The following EML4 variants were observed in gnomAD, a reference collection of about 807,000 sequenced individuals.
EML4 encodes the protein echinoderm microtubule-associated protein-like 4.
Under a neutral mutation model 129.0 loss-of-function variants are expected in EML4, and 72 were observed. That is an observed-to-expected ratio of 0.56 (90% confidence interval 0.46 to 0.68). The LOEUF is 0.68. Among genes scored for constraint, EML4 ranks in the 30% least tolerant of loss-of-function variants. The probability of loss-of-function intolerance (pLI) is 0.00; values close to 1 mark genes in which losing one functional copy is unlikely to be tolerated. For missense variants in EML4, 1,363 were observed against 1,190.6 expected, an observed-to-expected ratio of 1.14 and a Z score of -2.13; for synonymous variants, 532 against 405.0, an observed-to-expected ratio of 1.31 and a Z score of -3.77.
At chr2:42,178,192 T>C (rs1021541228) in intron 1 of EML4, among the ~76,000 whole-genome samples, 1 of 152,178 alleles carries the variant, frequency 6.6e-6, no homozygotes, top group Non-Finnish European at 1.5e-5. Flanking sequence ...GAAGTGATTT[T>C]ATAAAATTGG....
Position 42,284,635 on chromosome 2 carries a change from C to G in EML4, c.943C>G (p.Leu315Val). Residue 315 changes from leucine (L) to valine (V), a missense_variant and splice_region_variant, in exon 9 of 23, where the codon CTT (leucine) becomes GTT (valine). Leu to Val is a conservative substitution (Grantham distance 32). Coordinates refer to ENST00000318522, the MANE Select transcript of EML4 (RefSeq NM_019063.5). ...YLGHTDCVKC[L>V]AIHPDKIRIA... ...ATCATTCTTAATACTGCTTTTTAGC[C>G]TTGCTATACATCCTGACAAAATTAG... The G allele has an allele frequency of 6.2e-7, 1 of 1,609,156 alleles. No homozygotes were observed. The highest frequency in any genetic ancestry group is 8.5e-7 in the Non-Finnish European group (1 of 1,177,342).
intron 13 of EML4, among the ~76,000 whole-genome samples, chr2:42,296,926 G>T (rs1572710760): frequency 6.6e-6 from 1 of 152,158 alleles, no homozygotes; most frequent in South Asian, 2.1e-4. Context: ...ACATAAGTTA[G>T]GCACTATCTG....
At chr2:42,205,378 T>G (rs963124252) in intron 1 of EML4, among the ~76,000 whole-genome samples, 1 of 152,214 alleles carries the variant, frequency 6.6e-6, no homozygotes, top group African/African-American at 2.4e-5. Context: ...TCAGCAAAAG[T>G]TGACATTTTT....
intron 11 of EML4, 144 bp downstream of exon 11, chr2:42,288,466 G>A: frequency 2.2e-6 from 1 of 456,962 alleles, no homozygotes. Context: ...TTAGTGATTT[G>A]TCATAATCGT....
chr2:42,258,266 A>C (rs116232501), intron 3 of EML4, among the ~76,000 whole-genome samples: 3 of 152,160 alleles, frequency 2.0e-5, no homozygotes, highest in Non-Finnish European at 4.4e-5. Flanking sequence ...AATCGCAAGG[A>C]AGAAGTAACT....
At chr2:42,295,703 G>C (rs758150014) in intron 13 of EML4, among the ~76,000 whole-genome samples, 187 bp downstream of exon 13, 7 of 152,000 alleles carry the variant, frequency 4.6e-5, no homozygotes, top group Non-Finnish European at 5.9e-5. Flanking sequence ...TATTTATTAA[G>C]CTTATATAAC....
intron 2 of EML4, among the ~76,000 whole-genome samples, chr2:42,250,941 A>G (rs946534218): frequency 1.3e-5 from 2 of 152,164 alleles, no homozygotes; most frequent in African/African-American, 4.8e-5. Context: ...TTAGATTCTC[A>G]TAGGAGCATG....
intron 1 of EML4, among the ~76,000 whole-genome samples, chr2:42,233,301 GTTTC>G (rs1428038938): frequency 6.6e-6 from 1 of 150,558 alleles, no homozygotes; most frequent in Non-Finnish European, 1.5e-5. Context: ...GTTATTACAG[GTTTC>G]TTTCTTTTTT....
chr2:42,254,128 A>C (rs1558543477), intron 2 of EML4, among the ~76,000 whole-genome samples: 1 of 152,190 alleles, frequency 6.6e-6, no homozygotes, highest in Non-Finnish European at 1.5e-5. Flanking sequence ...TTGTTATGCC[A>C]TTTGAGGCAT....
At chr2:42,297,839 T>C (rs1459476793) in intron 13 of EML4, among the ~76,000 whole-genome samples, 1 of 152,236 alleles carries the variant, frequency 6.6e-6, no homozygotes, top group Non-Finnish European at 1.5e-5. Flanking sequence ...CTTTTACTTT[T>C]GTAATAGGAG....
intron 16 of EML4, 113 bp downstream of exon 16, chr2:42,303,559 A>T: frequency 2.6e-5 from 30 of 1,132,556 alleles, no homozygotes; most frequent in Non-Finnish European, 3.9e-5. Context: ...ATGTAAACAT[A>T]TGGTTTAGTA....
At chr2:42,231,929 A>G (rs1317040164) in intron 1 of EML4, among the ~76,000 whole-genome samples, 1 of 152,024 alleles carries the variant, frequency 6.6e-6, no homozygotes, top group African/African-American at 2.4e-5. Context: ...AGCCTGGGCA[A>G]CAGAGTGAGA....
chr2:42,303,470 T>A, intron 16 of EML4, 24 bp downstream of exon 16: 1 of 1,607,862 alleles, frequency 6.2e-7, no homozygotes. Context: ...GATGTGATTA[T>A]TAACCTCCCC....
intron 6 of EML4, among the ~76,000 whole-genome samples, chr2:42,271,392 G>A (rs1666356407): frequency 1.3e-5 from 2 of 150,612 alleles, no homozygotes; most frequent in Admixed American, 1.3e-4. Context: ...CCAAAAAAGG[G>A]GACCTTTCCT....
At chr2:42,223,614 A>G (rs115988792) in intron 1 of EML4, among the ~76,000 whole-genome samples, 3 of 152,050 alleles carry the variant, frequency 2.0e-5, no homozygotes, top group Non-Finnish European at 4.4e-5. Context: ...GTCTTTCCCC[A>G]TGACAAGAGT....
At chr2:42,260,009 C>T (rs868758238) in intron 3 of EML4, among the ~76,000 whole-genome samples, 2 of 151,556 alleles carry the variant, frequency 1.3e-5, no homozygotes, top group Admixed American at 6.6e-5. Flanking sequence ...GGATTACAGG[C>T]GTGAGCCACT....
At chr2:42,258,396 G>C (rs758472120) in intron 3 of EML4, among the ~76,000 whole-genome samples, 16 of 149,552 alleles carry the variant, frequency 1.1e-4, no homozygotes, top group African/African-American at 1.7e-4. Flanking sequence ...TATTTTTTAA[G>C]ATATATATAT....
At chr2:42,258,375 CTTTT>C (rs940913811) in intron 3 of EML4, among the ~76,000 whole-genome samples, 1 of 147,730 alleles carries the variant, frequency 6.8e-6, no homozygotes, top group African/African-American at 2.5e-5. Flanking sequence ...AATTGTATTT[CTTTT>C]TTTATTTATT....
At chr2:42,259,149 A>G (rs1310142542) in intron 3 of EML4, among the ~76,000 whole-genome samples, 1 of 150,048 alleles carries the variant, frequency 6.7e-6, no homozygotes, top group Non-Finnish European at 1.5e-5. Flanking sequence ...GGGGAAGCTG[A>G]GGTGGGAGAA....
Sources: allele counts gnomAD v4.1 joint callset (sites outside exome capture counted in the v4.1 genomes callset), GRCh38; gene constraint gnomAD v4.1.1; transcripts MANE v1.5; gene names NCBI Gene and HGNC (gene_info 2026-07-23, HGNC 2026-07-21).